Variants in SNF8 observed in about 807,000 individuals in gnomAD.
The protein encoded by SNF8 is SNF8 subunit of ESCRT-II.
A neutral mutation model predicts 36.8 loss-of-function variants in SNF8; 19 were observed. That is an observed-to-expected ratio of 0.52 (90% confidence interval 0.36 to 0.76). SNF8 has a LOEUF of 0.76. Ranked by LOEUF, SNF8 falls within the 30% of genes least tolerant of loss-of-function variation. The pLI is 0.00. For missense variants in SNF8, 268 were observed against 322.9 expected (o/e 0.83, Z 1.30); for synonymous variants, 127 against 127.4 (o/e 1.00, Z 0.02).
chr17:48,930,592 CCCTT>C lies in SNF8; in HGVS notation c.656_659del (p.Glu219GlyfsTer106). The C allele has an allele frequency of 6.2e-7, 1 of 1,613,848 alleles. No individual in the cohort carries two copies. The highest frequency in any genetic ancestry group is 8.5e-7 in the Non-Finnish European group (1 of 1,179,888). On this transcript the variant is annotated frameshift_variant, in exon 8 of 8. Coordinates refer to ENST00000502492, the MANE Select transcript of SNF8 (RefSeq NM_007241.4). LOFTEE classifies it high-confidence loss of function. ...GGGCCTGTAAGTCCAGCCACGCCAA[CCCTT>C]CCTTCAGCAGGTGTTCCTGGAGGGA...
Position 48,942,847 on chromosome 17 carries a change from C to CTT in SNF8, c.105+1076_105+1077dup, listed in dbSNP as rs71144543. ...ACAGGCGTTAGCCACCGCACCCGGC[C>CTT]TTTTTTTTTTTTTTTTTTTTTTTTT... On this transcript the variant is annotated intron_variant, in intron 2 of 7. Coordinates refer to ENST00000502492, the MANE Select transcript of SNF8 (RefSeq NM_007241.4). 2.4e-3 allele frequency among the ~76,000 whole-genome samples: 204 copies of CTT among 86,042 alleles called. 5 individuals are homozygous for CTT. The highest frequency in any genetic ancestry group is 3.2e-3 in the Non-Finnish European group (156 of 49,516). 56.4% of individuals were successfully genotyped at this position (86,042 alleles called of 152,430 possible).
chr17:48,943,401 G>A (rs1175865254), intron 2 of SNF8, among the ~76,000 whole-genome samples: 1 of 152,128 alleles, frequency 6.6e-6, no homozygotes, highest in Non-Finnish European at 1.5e-5. Flanking sequence ...ACGAGGTCAA[G>A]AATTTGAGAC....
Position 48,930,664 on chromosome 17 carries a change from C to T in SNF8, c.640-52G>A, listed in dbSNP as rs768160160. ...TTTGAGAACAGGGAGGTTCCATAGACAAAGGGTAGGTAAGCAACCCCCACA... is the reference window on the plus strand; with the variant it reads ...TTTGAGAACAGGGAGGTTCCATAGATAAAGGGTAGGTAAGCAACCCCCACA... On this transcript the variant is annotated intron_variant, in intron 7 of 7. Transcript: ENST00000502492. The T allele has an allele frequency of 7.0e-6, 11 of 1,579,008 alleles. No homozygotes were observed. The South Asian group carries it at 1.3e-4, about 18-fold the overall frequency.
chr17:48,939,499 G>A (rs2040989290), intron 3 of SNF8, among the ~76,000 whole-genome samples: 1 of 134,184 alleles, frequency 7.5e-6, no homozygotes, highest in South Asian at 2.4e-4. Flanking sequence ...TCGCTCTGTT[G>A]CCTGGGCTGT....
intron 6 of SNF8, 195 bp downstream of exon 6, chr17:48,933,010 C>A: frequency 1.9e-6 from 1 of 519,866 alleles, no homozygotes. Flanking sequence ...TTTATATGCC[C>A]CACAGCCTGG....
rs763052995 is a variant in SNF8 at position 48,936,261 on chromosome 17, C to T, written c.350-19G>A. The T allele has an allele frequency of 2.5e-6, 4 of 1,593,118 alleles. No individual in the cohort carries two copies. The highest frequency in any genetic ancestry group is 1.7e-5 in the Admixed American group (1 of 59,826). On this transcript the variant is annotated intron_variant, in intron 4 of 7. Transcript: ENST00000502492. ...ATCAGACCTGTTTGGAGACAGGGAA[C>T]AGAAATCAGAAAAAGAGATTACCCA...
intron 5 of SNF8, among the ~76,000 whole-genome samples, chr17:48,935,444 C>CA (rs562994247): frequency 2.0e-5 from 3 of 149,896 alleles, no homozygotes; most frequent in African/African-American, 7.4e-5. Context: ...ACCCAGGAGG[C>CA]AGAGCTTGCA....
rs2040946932 is a variant in SNF8, at chr17:48,937,138, A to G, written c.245-14T>C. 1 of 1,580,508 alleles carries G rather than the reference A, an allele frequency of 6.3e-7. No homozygotes were observed. Among genetic ancestry groups the G allele is most frequent in the Middle Eastern group, 1.7e-4 (1 of 6,032 alleles). Reference sequence around the variant, plus strand: ...ATCCTTTTCCAGCTACAAGACAGAAAAACAAAATCTCGGTTATTGATTAAT... The same window carrying G: ...ATCCTTTTCCAGCTACAAGACAGAAGAACAAAATCTCGGTTATTGATTAAT... On this transcript the variant is annotated splice_polypyrimidine_tract_variant and intron_variant, in intron 3 of 7. Transcript: ENST00000502492.
chr17:48,941,130 C>T, intron 2 of SNF8, 68 bp from the exon 3 acceptor site: 1 of 1,574,278 alleles, frequency 6.4e-7, no homozygotes, highest in Non-Finnish European at 8.7e-7. Context: ...AAAAACAGGT[C>T]CCCAGCCCTG....
chr17:48,936,644 G>A (rs926939999), intron 4 of SNF8: 1 of 323,732 alleles, frequency 3.1e-6, no homozygotes. Context: ...TCACATTTTA[G>A]GGAACACAGA....
At chr17:48,944,216 G>C in intron 1 of SNF8, 1 of 465,360 alleles carries the variant, frequency 2.1e-6, no homozygotes, top group Non-Finnish European at 4.0e-6. Context: ...GCAGGAGAAC[G>C]GCGTGAACCC....
intron 4 of SNF8, 117 bp from the exon 5 acceptor site, chr17:48,936,359 T>C (rs1250311806): frequency 1.3e-5 from 9 of 713,546 alleles, no homozygotes; most frequent in Non-Finnish European, 1.9e-5. Context: ...TTCCTAATTT[T>C]TTTTTAACAC....
intron 6 of SNF8, 114 bp from the exon 7 acceptor site, chr17:48,931,831 TGA>T: frequency 2.7e-6 from 2 of 740,656 alleles, no homozygotes; most frequent in Non-Finnish European, 4.5e-6. Flanking sequence ...CTGTCAAGCA[TGA>T]GAGAACACAG....
chr17:48,940,658 C>T (rs982621848), intron 3 of SNF8, among the ~76,000 whole-genome samples: 1 of 152,030 alleles, frequency 6.6e-6, no homozygotes, highest in Non-Finnish European at 1.5e-5. Flanking sequence ...GACGTGGTCG[C>T]GAGCACCTGT....
chr17:48,930,329 G>T lies in SNF8; in HGVS notation c.*146C>A. On this transcript the variant is annotated 3_prime_UTR_variant, in exon 8 of 8. Transcript: ENST00000502492. The stretch of plus-strand genomic sequence containing the variant: ...TTTTCCTCCAATAAAAATGCAACGT[G>T]AAGGCACTTTTCAAAAATAAAAGAA... 1 of 880,802 alleles carries T rather than the reference G, an allele frequency of 1.1e-6. No individual in the cohort carries two copies. The highest frequency in any genetic ancestry group is 1.6e-6 in the Non-Finnish European group (1 of 617,000). 54.6% of individuals were successfully genotyped at this position (880,802 alleles called of 1,614,324 possible).
chr17:48,932,503 T>TA (rs1567784249), intron 6 of SNF8: 3 of 152,140 alleles, frequency 2.0e-5, no homozygotes, highest in African/African-American at 7.2e-5. Flanking sequence ...TCCCAGCACT[T>TA]AGAGAGGCTA....
chr17:48,937,454 C>G (rs1249798424), intron 3 of SNF8, among the ~76,000 whole-genome samples: 2 of 122,094 alleles, frequency 1.6e-5, no homozygotes, highest in African/African-American at 2.5e-5. Context: ...ATGGCAAAAC[C>G]CCATCTCTAA....
At chr17:48,940,130 T>G (rs2040998544) in intron 3 of SNF8, among the ~76,000 whole-genome samples, 1 of 150,164 alleles carries the variant, frequency 6.7e-6, no homozygotes. Flanking sequence ...CAGCCTCAAC[T>G]TCCCAGTCTC....
intron 3 of SNF8, 33 bp from the exon 4 acceptor site, chr17:48,937,157 G>T: frequency 6.7e-7 from 1 of 1,482,670 alleles, no homozygotes; most frequent in Non-Finnish European, 9.4e-7. Context: ...CTCGGTTATT[G>T]ATTAATTTAC....
Sources: allele counts gnomAD v4.1 joint callset (sites outside exome capture counted in the v4.1 genomes callset), GRCh38; gene constraint gnomAD v4.1.1; transcripts MANE v1.5; gene names NCBI Gene and HGNC (gene_info 2026-07-23, HGNC 2026-07-21).